Variants in ICE1 observed in about 807,000 individuals in gnomAD.
ICE1 encodes the protein little elongation complex subunit 1.
Under a neutral mutation model 192.7 loss-of-function variants are expected in ICE1, and 64 were observed. The ratio of observed to expected loss-of-function variants is 0.33; its 90% CI spans 0.27 to 0.41. The LOEUF is 0.41. Ranked by LOEUF, ICE1 falls within the 10% of genes least tolerant of loss-of-function variation. ICE1 has a pLI of 1.00. For missense variants in ICE1, 2,708 were observed against 2,696.0 expected (o/e 1.00, Z -0.10); for synonymous variants, 1,010 against 984.5 (o/e 1.03, Z -0.49).
At position 5,457,391 on chromosome 5, in the gene ICE1, C is replaced by T. The variant is rs750239884; in HGVS notation, c.751C>T (p.Pro251Ser). Residue 251 changes from proline (P) to serine (S), a missense_variant, in exon 12 of 19, where the codon CCA becomes TCA. This residue lies in a region of ICE1 where 2,366 missense variants were observed against 2,276.6 expected (regional missense o/e 1.04). Transcript: ENST00000296564. ...RVPGEDGTLPPTQGSPLRTSN... is the reference protein window; with the variant it reads ...RVPGEDGTLPSTQGSPLRTSN... ...GCCTGGGGAAGATGGTACGCTACCT[C>T]CAACACAGGGCAGCCCTCTCAGGAC... The T allele has an allele frequency of 2.5e-6, 4 of 1,613,560 alleles. No homozygotes were observed. The highest frequency in any genetic ancestry group is 3.4e-6 in the Non-Finnish European group (4 of 1,179,806).
At chr5:5,438,202 A>C (rs1428975990) in intron 3 of ICE1, among the ~76,000 whole-genome samples, 3 of 152,170 alleles carry the variant, frequency 2.0e-5, no homozygotes, top group African/African-American at 7.2e-5. Context: ...AAACCATCAG[A>C]TCTCGTGGGA....
intron 5 of ICE1, among the ~76,000 whole-genome samples, chr5:5,442,140 T>G (rs1738070281): frequency 2.0e-5 from 3 of 152,242 alleles, no homozygotes; most frequent in African/African-American, 7.2e-5. Flanking sequence ...AAATTGTTGT[T>G]TACTCCCTAC....
chr5:5,466,553 T>C, intron 14 of ICE1, 51 bp downstream of exon 14: 1 of 1,435,164 alleles, frequency 7.0e-7, no homozygotes, highest in Non-Finnish European at 9.5e-7. Context: ...ATTGCCTTTT[T>C]CCCTTATACT....
intron 16 of ICE1, among the ~76,000 whole-genome samples, chr5:5,474,471 TACTC>T (rs1739256315): frequency 6.6e-6 from 1 of 152,182 alleles, no homozygotes; most frequent in African/African-American, 2.4e-5. Context: ...AACATACAGA[TACTC>T]ACAAAACCTA....
intron 1 of ICE1, among the ~76,000 whole-genome samples, chr5:5,425,903 A>G (rs919339698): frequency 9.9e-5 from 15 of 152,244 alleles, no homozygotes; most frequent in African/African-American, 3.6e-4. Flanking sequence ...GACAGTGTAA[A>G]GAATGGGCAG....
At chr5:5,478,252 T>C (rs1423604601) in intron 17 of ICE1, among the ~76,000 whole-genome samples, 4 of 152,222 alleles carry the variant, frequency 2.6e-5, no homozygotes, top group Non-Finnish European at 5.9e-5. Context: ...GATAAGCAGC[T>C]TCAGCAAAGT....
chr5:5,426,165 G>C (rs184951853), intron 1 of ICE1, among the ~76,000 whole-genome samples: 1 of 152,328 alleles, frequency 6.6e-6, no homozygotes, highest in African/African-American at 2.4e-5. Flanking sequence ...AATTTTATCT[G>C]GGCTGGGAGC....
At chr5:5,473,920 C>T (rs1204165617) in intron 16 of ICE1, among the ~76,000 whole-genome samples, 172 bp downstream of exon 16, 1 of 152,050 alleles carries the variant, frequency 6.6e-6, no homozygotes, top group Non-Finnish European at 1.5e-5. Flanking sequence ...CTTAAGATAC[C>T]TTCATCACGG....
At position 5,489,270 on chromosome 5, in the gene ICE1, G is replaced by A. The variant is rs16900247; in HGVS notation, c.6741G>A (p.Pro2247=). Residue 2247 remains proline, a synonymous_variant, in exon 19 of 19, where the codon CCG becomes CCA. Coordinates refer to ENST00000296564, the MANE Select transcript of ICE1 (RefSeq NM_015325.3). The stretch of plus-strand genomic sequence containing the variant: ...GGAGAGAGGCCTCCAAAAGCGTTCC[G>A]TCTGCGATTGTCAGCTGCCTAGAGG... ...AWRREASKSV[P]SAIVSCLEEV... 0.028 allele frequency: 45,323 copies of A among 1,613,484 alleles called. 2,889 individuals carry two copies. The highest frequency in any genetic ancestry group is 0.27 in the East Asian group (11,957 of 44,824).
chr5:5,444,244 T>C (rs1231723161), intron 6 of ICE1, 45 bp from the exon 7 acceptor site: 2 of 1,314,500 alleles, frequency 1.5e-6, no homozygotes, highest in Non-Finnish European at 2.1e-6. Flanking sequence ...TATTTTTTCC[T>C]ATTCTCTCTT....
chr5:5,473,436 A>T, intron 15 of ICE1, 122 bp from the exon 16 acceptor site: 1 of 840,318 alleles, frequency 1.2e-6, no homozygotes, highest in Non-Finnish European at 1.8e-6. Context: ...AAACTGTTTT[A>T]AAAAGCTATT....
chr5:5,455,691 C>G (rs1000015553), intron 11 of ICE1, among the ~76,000 whole-genome samples: 1 of 152,078 alleles, frequency 6.6e-6, no homozygotes, highest in African/African-American at 2.4e-5. Flanking sequence ...AAGACATATT[C>G]TTTTGTTTTA....
rs772937662 is a variant in ICE1 at position 5,462,968 on chromosome 5, G to A, written c.3634G>A (p.Ala1212Thr). ...LSKEMNKELK[A>T]SEIGEKYRKQ... is the part of the protein sequence containing the mutation. The stretch of plus-strand genomic sequence containing the variant: ...TAAAGAAATGAACAAAGAATTAAAG[G>A]CAAGTGAAATAGGAGAAAAATACAG... Residue 1212 changes from alanine to threonine, a missense_variant, in exon 13 of 19, where the codon GCA (alanine) becomes ACA (threonine). Around this residue, in one of 2 missense-constraint regions of ICE1, gnomAD observed 2,366 missense variants for 2,276.6 expected, o/e 1.04. Transcript: ENST00000296564. The A allele has an allele frequency of 6.2e-7, 1 of 1,612,994 alleles. No individual in the cohort carries two copies. Among genetic ancestry groups the A allele is most frequent in the Admixed American group, 1.7e-5 (1 of 59,876 alleles).
Position 5,463,445 on chromosome 5 carries a change from G to T in ICE1, c.4111G>T (p.Ala1371Ser). The T allele has an allele frequency of 6.2e-7, 1 of 1,613,098 alleles. No individual in the cohort carries two copies. The highest frequency in any genetic ancestry group is 8.5e-7 in the Non-Finnish European group (1 of 1,179,508). ...EDLPEPVEPSALCSDSVMEPS... is the reference protein window; with the variant it reads ...EDLPEPVEPSSLCSDSVMEPS... ...CCTGCCAGAACCTGTGGAGCCATCA[G>T]CCTTGTGCTCTGACTCTGTGATGGA... Residue 1371 changes from alanine to serine, a missense_variant, in exon 13 of 19, where the codon GCC becomes TCC. Physicochemically the swap from Ala to Ser is moderately conservative, Grantham distance 99. This residue lies in a region of ICE1 where 2,366 missense variants were observed against 2,276.6 expected (regional missense o/e 1.04). Coordinates refer to ENST00000296564, the MANE Select transcript of ICE1 (RefSeq NM_015325.3).
intron 18 of ICE1, among the ~76,000 whole-genome samples, chr5:5,487,369 T>C (rs890318488): frequency 5.9e-5 from 9 of 152,204 alleles, no homozygotes; most frequent in East Asian, 5.8e-4. Flanking sequence ...GTAACTCTTA[T>C]AAGGGATGAA....
chr5:5,447,658 T>G, intron 8 of ICE1, 63 bp from the exon 9 acceptor site: 1 of 1,467,750 alleles, frequency 6.8e-7, no homozygotes, highest in Non-Finnish European at 9.3e-7. Flanking sequence ...CTGTTTTACA[T>G]TTGGTCTAGA....
At position 5,463,007 on chromosome 5, in the gene ICE1, G is replaced by A. The variant is rs1738846993; in HGVS notation, c.3673G>A (p.Glu1225Lys). The A allele has an allele frequency of 1.2e-6, 2 of 1,613,776 alleles. No homozygotes were observed. The highest frequency in any genetic ancestry group is 1.7e-6 in the Non-Finnish European group (2 of 1,179,850). ...IGEKYRKQPC[E>K]EETLGTCEEW... is the part of the protein sequence containing the mutation. ...AGAAAAATACAGAAAGCAACCCTGT[G>A]AGGAAGAAACACTTGGAACCTGTGA... Residue 1225 changes from glutamate (E) to lysine (K), a missense_variant, in exon 13 of 19, where the codon GAG becomes AAG. This residue lies in a region of ICE1 where 2,366 missense variants were observed against 2,276.6 expected (regional missense o/e 1.04). Coordinates refer to ENST00000296564, the MANE Select transcript of ICE1 (RefSeq NM_015325.3).
At position 5,465,049 on chromosome 5, in the gene ICE1, A is replaced by G. The variant is rs779710356; in HGVS notation, c.5715A>G (p.Lys1905=). The G allele has an allele frequency of 2.0e-5, 32 of 1,613,856 alleles. No homozygotes were observed. The highest frequency in any genetic ancestry group is 2.7e-5 in the Non-Finnish European group (32 of 1,179,894). The change falls in exon 13 of 19, where the codon AAA becomes AAG. Residue 1905 remains lysine (K), a synonymous_variant. Transcript: ENST00000296564. ...TTTCACAGTTGCCTTTAAGCCCAAA[A>G]GAAACTGTGGAGTCCCATGATAAAG... ...SAVSQLPLSP[K]ETVESHDKAI... is the part of the protein sequence containing the mutation.
intron 10 of ICE1, among the ~76,000 whole-genome samples, chr5:5,453,841 C>G (rs866585485): frequency 2.0e-5 from 3 of 152,176 alleles, no homozygotes; most frequent in African/African-American, 7.2e-5. Context: ...CTTGGCCTTT[C>G]AATTTGAATT....
Sources: allele counts gnomAD v4.1 joint callset (sites outside exome capture counted in the v4.1 genomes callset), GRCh38; gene constraint gnomAD v4.1.1; regional missense constraint gnomAD v4.1.1; transcripts MANE v1.5; gene names NCBI Gene and HGNC (gene_info 2026-07-23, HGNC 2026-07-21).